Variants in RELN observed in about 807,000 individuals in gnomAD.
The protein encoded by RELN is reelin.
RELN carries 108 observed loss-of-function variants against 427.6 expected under a neutral mutation model. That is an observed-to-expected ratio of 0.25 (90% CI 0.22 to 0.30). The LOEUF (loss-of-function observed/expected upper bound fraction) is 0.30, where lower values mean the gene tolerates loss of function less well. RELN is among the 10% of genes least tolerant of loss of function. The pLI is 1.00. For synonymous variants in RELN, 1,524 were observed against 1,513.4 expected, an observed-to-expected ratio of 1.01 and a Z score of -0.16; for missense variants, 3,715 against 4,302.8, an observed-to-expected ratio of 0.86 and a Z score of 3.82.
At position 103,968,743 on chromosome 7, in the gene RELN, T is replaced by G. The variant is rs757685384; in HGVS notation, c.226+20388A>C. ...ATAGAACCCATGAGAAGATGTATTT[T>G]TAAATGATCATCCAAAAATGCTAAA... On this transcript the variant is annotated intron_variant, in intron 1 of 64. Transcript: ENST00000428762. The surrounding 1 kb of genome is among the most constrained non-coding windows in gnomAD (Gnocchi z 4.3). Among the ~76,000 whole-genome samples the G allele has an allele frequency of 1.3e-5, 2 of 152,158 alleles. No homozygotes were observed. The highest frequency in any genetic ancestry group is 6.5e-5 in the Admixed American group (1 of 15,278).
chr7:103,493,670 A>G (rs1365750916), intron 57 of RELN, among the ~76,000 whole-genome samples: 1 of 152,170 alleles, frequency 6.6e-6, no homozygotes, highest in Non-Finnish European at 1.5e-5. Context: ...TGAGGGGAGA[A>G]AAGCCATAAG....
intron 2 of RELN, among the ~76,000 whole-genome samples, chr7:103,915,652 A>G (rs891118746): frequency 6.6e-6 from 1 of 151,262 alleles, no homozygotes; most frequent in South Asian, 2.1e-4. Flanking sequence ...AAAATCACCA[A>G]TGCTCAGGCC....
intron 2 of RELN, among the ~76,000 whole-genome samples, chr7:103,898,422 A>C (rs1795009733): frequency 6.6e-6 from 1 of 152,044 alleles, no homozygotes; most frequent in Admixed American, 6.6e-5. Flanking sequence ...ATGATATACA[A>C]ACTGTTTGTA....
intron 1 of RELN, among the ~76,000 whole-genome samples, chr7:103,980,168 A>T (rs1563122821): frequency 6.6e-6 from 1 of 151,856 alleles, no homozygotes; most frequent in Non-Finnish European, 1.5e-5. Context: ...CTCCAAAAAA[A>T]AAAAAAAATT....
At chr7:103,774,296 CAAA>C (rs35834080) in intron 4 of RELN, among the ~76,000 whole-genome samples, 1,780 of 121,000 alleles carry the variant, frequency 0.015, 18 homozygotes, top group African/African-American at 0.047. Flanking sequence ...GACTTTGTCT[CAAA>C]AAAAAAAAAA....
intron 20 of RELN, among the ~76,000 whole-genome samples, chr7:103,615,717 T>A (rs1584346804): frequency 6.6e-6 from 1 of 152,328 alleles, no homozygotes; most frequent in East Asian, 1.9e-4. Flanking sequence ...AAGTCCTTTC[T>A]ACTATGTCCT....
At chr7:103,958,541 G>C (rs1796482623) in intron 1 of RELN, among the ~76,000 whole-genome samples, 1 of 152,132 alleles carries the variant, frequency 6.6e-6, no homozygotes, top group Non-Finnish European at 1.5e-5. Flanking sequence ...GAAAATCTCT[G>C]TCATGAGGCT....
At position 103,870,039 on chromosome 7, in the gene RELN, T is replaced by A. The variant is rs538247977; in HGVS notation, c.338-36367A>T. Among the ~76,000 whole-genome samples, 3 of 152,248 alleles carry A rather than the reference T, an allele frequency of 2.0e-5. No individual in the cohort carries two copies. The East Asian group carries it at 5.8e-4, about 29-fold the overall frequency. ...CTTTTAAGATCATCCAATGAACCCTTCATTCCAGCTTTTGCACTTTGCAGG... is the reference window on the plus strand; with the variant it reads ...CTTTTAAGATCATCCAATGAACCCTACATTCCAGCTTTTGCACTTTGCAGG... On this transcript the variant is annotated intron_variant, in intron 2 of 64. Transcript: ENST00000428762.
chr7:103,503,596 G>C (rs1408667592), intron 51 of RELN, among the ~76,000 whole-genome samples: 2 of 152,128 alleles, frequency 1.3e-5, no homozygotes, highest in Non-Finnish European at 2.9e-5. Context: ...ATAGCTAACA[G>C]CTTTACCAAT....
chr7:103,526,324 A>G (rs760440977), intron 46 of RELN, among the ~76,000 whole-genome samples: 10 of 152,248 alleles, frequency 6.6e-5, no homozygotes, highest in Non-Finnish European at 1.3e-4. Flanking sequence ...GGAAACAGTA[A>G]GAAACTACAT....
chr7:103,690,880 T>C (rs1278239957), intron 10 of RELN, among the ~76,000 whole-genome samples: 1 of 152,078 alleles, frequency 6.6e-6, no homozygotes, highest in Non-Finnish European at 1.5e-5. Context: ...GTGGTACACC[T>C]TTTCTTCCAC....
intron 28 of RELN, among the ~76,000 whole-genome samples, chr7:103,579,681 C>G (rs1831085500): frequency 6.6e-6 from 1 of 151,076 alleles, no homozygotes; most frequent in African/African-American, 2.4e-5. Flanking sequence ...TTTTGCGTGT[C>G]CCAGATAAAT....
chr7:103,638,022 C>T (rs773763200), intron 17 of RELN, among the ~76,000 whole-genome samples: 1 of 151,956 alleles, frequency 6.6e-6, no homozygotes, highest in African/African-American at 2.4e-5. Context: ...AAAGGTTATT[C>T]AGTTGAGATA....
intron 1 of RELN, among the ~76,000 whole-genome samples, chr7:103,954,694 G>A (rs770575133): frequency 1.3e-5 from 2 of 152,158 alleles, no homozygotes; most frequent in Non-Finnish European, 2.9e-5. Flanking sequence ...AAATTAATAT[G>A]TCAGAAAGAG....
At chr7:103,664,345 G>A (rs1833211144) in intron 11 of RELN, among the ~76,000 whole-genome samples, 1 of 152,208 alleles carries the variant, frequency 6.6e-6, no homozygotes, top group South Asian at 2.1e-4. Flanking sequence ...GTCTGTGAGA[G>A]AAATGAGTCC....
chr7:103,478,494 A>G (rs756519127), intron 63 of RELN, 100 bp from the exon 64 acceptor site: 13 of 702,246 alleles, frequency 1.9e-5, no homozygotes, highest in African/African-American at 1.2e-4. Flanking sequence ...AAGTCTGATC[A>G]GGTTTAGACG....
chr7:103,694,712 AT>A (rs904716867), intron 10 of RELN, among the ~76,000 whole-genome samples: 4 of 151,498 alleles, frequency 2.6e-5, no homozygotes, highest in African/African-American at 4.8e-5. Context: ...CACCTTGGAA[AT>A]TTTTTTTTCA....
chr7:103,904,975 CTTTTTTTTTTTTTTTT>C (rs67024941), intron 2 of RELN, among the ~76,000 whole-genome samples: 7 of 77,328 alleles, frequency 9.1e-5, no homozygotes, highest in African/African-American at 3.4e-4. Context: ...AAGTTCTTTC[CTTTTTTTTTTTTTTTT>C]TTTTTTTTTG....
chr7:103,743,118 A>C (rs1371820921), intron 6 of RELN, among the ~76,000 whole-genome samples: 1 of 151,452 alleles, frequency 6.6e-6, no homozygotes, highest in African/African-American at 2.4e-5. Flanking sequence ...CAACATTCTT[A>C]AAGAAAAGAA....
Sources: allele counts gnomAD v4.1 joint callset (sites outside exome capture counted in the v4.1 genomes callset), GRCh38; gene constraint gnomAD v4.1.1; non-coding constraint Gnocchi (gnomAD v3.1); transcripts MANE v1.5; gene names NCBI Gene and HGNC (gene_info 2026-07-23, HGNC 2026-07-21).